The following CEP55 variants were observed in gnomAD, a reference collection of about 807,000 sequenced individuals.
CEP55 encodes centrosomal protein 55, also known as centrosomal protein of 55 kDa.
A neutral mutation model predicts 63.2 loss-of-function variants in CEP55; 57 were observed. The observed-to-expected ratio is 0.90, with a 90% CI of 0.73 to 1.13. The LOEUF is 1.13. CEP55 is among the 50% of genes most tolerant of loss of function. The pLI, the probability that CEP55 is intolerant of heterozygous loss-of-function variation, is 0.00. For synonymous variants in CEP55, 178 were observed against 191.6 expected, an observed-to-expected ratio of 0.93 and a Z score of 0.59; for missense variants, 456 against 518.9, an observed-to-expected ratio of 0.88 and a Z score of 1.18.
At chr10:93,506,895 C>T (rs2057694546) in intron 3 of CEP55, 93 bp from the exon 4 acceptor site, 2 of 848,312 alleles carry the variant, frequency 2.4e-6, no homozygotes, top group Non-Finnish European at 4.1e-6. Flanking sequence ...TTCGGGATGC[C>T]CCCGTGAGTT....
intron 4 of CEP55, among the ~76,000 whole-genome samples, chr10:93,511,450 G>A (rs137924055): frequency 4.3e-4 from 66 of 152,268 alleles, no homozygotes; most frequent in Non-Finnish European, 8.4e-4. Context: ...ATAGAAAGCC[G>A]ATGCACACAG....
chr10:93,511,809 G>A (rs955033954), intron 4 of CEP55, among the ~76,000 whole-genome samples: 6 of 151,826 alleles, frequency 4.0e-5, no homozygotes, highest in Admixed American at 3.3e-4. Context: ...TCACCATATT[G>A]GCCAGGCTGG....
intron 3 of CEP55, among the ~76,000 whole-genome samples, chr10:93,504,798 T>C (rs1459148597): frequency 6.6e-6 from 1 of 152,136 alleles, no homozygotes; most frequent in African/African-American, 2.4e-5. Flanking sequence ...GTAGAAATTA[T>C]AATTTTTAAA....
intron 8 of CEP55, among the ~76,000 whole-genome samples, chr10:93,522,294 A>C (rs1424914310): frequency 3.9e-5 from 6 of 152,274 alleles, no homozygotes; most frequent in Non-Finnish European, 7.3e-5. Flanking sequence ...ACGAATGCAC[A>C]AGCCTCAGTA....
intron 2 of CEP55, among the ~76,000 whole-genome samples, chr10:93,500,637 T>C (rs74513420): frequency 1.3e-5 from 2 of 152,242 alleles, no homozygotes; most frequent in African/African-American, 4.8e-5. Context: ...GTAATTTAGC[T>C]TAACTACATG....
At chr10:93,526,663 A>G (rs1336627071) in intron 8 of CEP55, among the ~76,000 whole-genome samples, 2 of 152,112 alleles carry the variant, frequency 1.3e-5, no homozygotes, top group Admixed American at 6.6e-5. Flanking sequence ...TATTCACAAT[A>G]GCAAAGACTT....
chr10:93,518,830 C>G lies in CEP55; in HGVS notation c.994-47C>G, dbSNP rs373235695. The G allele has an allele frequency of 5.8e-6, 8 of 1,389,380 alleles. No individual in the cohort carries two copies. The Middle Eastern group carries it at 5.4e-4, about 94-fold the overall frequency. The allele number at this position is 1,389,380 out of a possible 1,614,324, so 86.1% of individuals were successfully genotyped here. A position where few individuals can be genotyped will look rare whatever the true frequency, so the allele number is the denominator to read the frequency against. The stretch of plus-strand genomic sequence containing the variant: ...GCTTTCCGTGCATCCCAGGTCAAGC[C>G]GGAAAAGGTTGGATGTGACAGCATT... On this transcript the variant is annotated intron_variant, in intron 6 of 8. Coordinates refer to ENST00000371485, the MANE Select transcript of CEP55 (RefSeq NM_018131.5).
At chr10:93,501,651 A>G (rs956890248) in intron 2 of CEP55, among the ~76,000 whole-genome samples, 1 of 152,116 alleles carries the variant, frequency 6.6e-6, no homozygotes. Context: ...TGGGTGACAG[A>G]GCAAGACTTC....
intron 2 of CEP55, among the ~76,000 whole-genome samples, chr10:93,501,223 C>T (rs1410893312): frequency 6.6e-6 from 1 of 152,160 alleles, no homozygotes; most frequent in African/African-American, 2.4e-5. Context: ...GGCATTTACA[C>T]TCTGTTCAAC....
chr10:93,503,252 C>T lies in CEP55; in HGVS notation c.323C>T (p.Thr108Met), dbSNP rs759434787. 1.6e-5 allele frequency: 26 copies of T among 1,613,826 alleles called. No homozygotes were observed. The Admixed American group carries it at 3.2e-4, about 20-fold the overall frequency. The stretch of plus-strand genomic sequence containing the variant: ...TTGCTTGAACAGCTGGAAGAGACAA[C>T]GAGAGAAGGAGAAAGGAGGGAGCAG... ...TTLLEQLEETTREGERREQVL... is the reference protein window; with the variant it reads ...TTLLEQLEETMREGERREQVL... The change falls in exon 3 of 9, where the codon ACG becomes ATG. Residue 108 changes from threonine to methionine, a missense_variant. Physicochemically the swap from Thr to Met is moderately conservative, Grantham distance 81 (BLOSUM62 -1). Transcript: ENST00000371485.
In CEP55 at chr10:93,496,671, C is replaced by G. The variant is rs1479278693; in HGVS notation, c.-265C>G. The G allele has an allele frequency of 6.6e-6, 1 of 152,266 alleles. No individual in the cohort carries two copies. Among genetic ancestry groups the G allele is most frequent in the East Asian group, 1.9e-4 (1 of 5,182 alleles). 9.4% of individuals were successfully genotyped at this position (152,266 alleles called of 1,614,324 possible). ...TGACTCGGCCGACGCGAGCGCCGCG[C>G]TTCGCTTCAGCTGCTAGCTGGCCCA... On this transcript the variant is annotated 5_prime_UTR_variant, in exon 1 of 9. Coordinates refer to ENST00000371485, the MANE Select transcript of CEP55 (RefSeq NM_018131.5).
In CEP55 at chr10:93,526,834, C is replaced by CA. The variant is rs1441552603; in HGVS notation, c.1192-1110dup. ...CATTCTCAGCAAACTATCACAAGGA[C>CA]AAAAAATCAAACACCGCATGTTCTC... On this transcript the variant is annotated intron_variant, in intron 8 of 8. Coordinates refer to ENST00000371485, the MANE Select transcript of CEP55 (RefSeq NM_018131.5). 4.6e-5 allele frequency among the ~76,000 whole-genome samples: 7 copies of CA among 151,910 alleles called. No homozygotes were observed. In the East Asian group the frequency reaches 1.2e-3, roughly 25 times the overall value.
intron 6 of CEP55, among the ~76,000 whole-genome samples, chr10:93,517,636 G>A (rs948604096): frequency 1.3e-5 from 2 of 152,222 alleles, no homozygotes; most frequent in African/African-American, 2.4e-5. Flanking sequence ...GAGAGGAATC[G>A]AGGCTGATTC....
chr10:93,528,617 A>T lies in CEP55; in HGVS notation c.*464A>T. 6.2e-6 allele frequency: 1 copy of T among 160,510 alleles called. No individual in the cohort carries two copies. The highest frequency in any genetic ancestry group is 1.4e-5 in the Non-Finnish European group (1 of 73,486). The allele number at this position is 160,510 out of a possible 1,614,324, so 9.9% of individuals were successfully genotyped here. On this transcript the variant is annotated 3_prime_UTR_variant, in exon 9 of 9. Coordinates refer to ENST00000371485, the MANE Select transcript of CEP55 (RefSeq NM_018131.5). The stretch of plus-strand genomic sequence containing the variant: ...ATGTCCATTGTTAAGAGGTGGTGAT[A>T]GATACTATTTTTTTTTTCATATTGT...
intron 2 of CEP55, among the ~76,000 whole-genome samples, chr10:93,501,289 AG>A (rs1475160624): frequency 6.6e-6 from 1 of 152,250 alleles, no homozygotes; most frequent in Non-Finnish European, 1.5e-5. Flanking sequence ...TAAGGAAGTT[AG>A]GAACTTATTA....
At chr10:93,527,904 C>T (rs1034013717) in intron 8 of CEP55, 46 bp from the exon 9 acceptor site, 1 of 1,465,848 alleles carries the variant, frequency 6.8e-7, no homozygotes, top group African/African-American at 1.4e-5. Context: ...AAAAGCTGAA[C>T]ATTGGCCCTA....
chr10:93,522,271 C>T (rs766350085), intron 8 of CEP55, among the ~76,000 whole-genome samples: 91 of 152,268 alleles, frequency 6.0e-4, no homozygotes, highest in Non-Finnish European at 9.4e-4. Flanking sequence ...AATCACAGCA[C>T]GAGAACAACA....
chr10:93,506,699 C>T (rs1230143384), intron 3 of CEP55, among the ~76,000 whole-genome samples: 1 of 152,158 alleles, frequency 6.6e-6, no homozygotes, highest in African/African-American at 2.4e-5. Flanking sequence ...TCCCGTGTAG[C>T]TGGGATTATA....
rs867508324 is a variant in CEP55, at chr10:93,500,061, A to C, written c.10A>C (p.Arg4=). The C allele has an allele frequency of 2.5e-6, 4 of 1,603,606 alleles. No individual in the cohort carries two copies. The highest frequency in any genetic ancestry group is 2.7e-5 in the African/African-American group (2 of 74,002). Residue 4 remains arginine, a synonymous_variant, in exon 2 of 9, where the codon AGA becomes CGA. Coordinates refer to ENST00000371485, the MANE Select transcript of CEP55 (RefSeq NM_018131.5). The part of the protein sequence containing the change: MSS[R]STKDLIKSKW... ...ACAGACCATTTCAGAGATGTCTTCCAGAAGTACCAAAGATTTAATTAAAAG... is the reference window on the plus strand; with the variant it reads ...ACAGACCATTTCAGAGATGTCTTCCCGAAGTACCAAAGATTTAATTAAAAG...
Sources: gnomAD v4.1 joint callset for allele counts (sites outside exome capture counted in the v4.1 genomes callset) on GRCh38, gnomAD v4.1.1 for gene constraint, MANE v1.5 for transcripts, NCBI Gene and HGNC (gene_info 2026-07-23, HGNC 2026-07-21) for gene names.